The following NCAM2 variants were observed in gnomAD, a reference collection of about 807,000 sequenced individuals.
The protein encoded by NCAM2 is N-CAM-2.
In NCAM2, 30 loss-of-function variants were observed where a neutral mutation model predicts 98.1. The ratio of observed to expected loss-of-function variants is 0.31; its 90% CI spans 0.23 to 0.41. The LOEUF is 0.41. NCAM2 is among the 10% of genes least tolerant of loss of function. NCAM2 has a pLI of 1.00. For synonymous variants in NCAM2, 368 were observed against 342.4 expected, an observed-to-expected ratio of 1.07 and a Z score of -0.83; for missense variants, 867 against 1,005.8, an observed-to-expected ratio of 0.86 and a Z score of 1.87.
intron 1 of NCAM2, among the ~76,000 whole-genome samples, chr21:21,264,955 G>GTATATTATA (rs1568854747): frequency 2.5e-5 from 2 of 80,820 alleles, no homozygotes; most frequent in East Asian, 5.6e-4. Flanking sequence ...ATATATATGT[G>GTATATTATA]TATGTGTATA....
At chr21:21,390,025 T>A (rs1259806006) in intron 9 of NCAM2, among the ~76,000 whole-genome samples, 1 of 152,152 alleles carries the variant, frequency 6.6e-6, no homozygotes, top group African/African-American at 2.4e-5. Flanking sequence ...AATTTTTGTA[T>A]TTTTAGTAGC....
At chr21:21,032,030 A>G (rs966104775) in intron 1 of NCAM2, among the ~76,000 whole-genome samples, 3 of 152,320 alleles carry the variant, frequency 2.0e-5, no homozygotes, top group South Asian at 2.1e-4. Flanking sequence ...TTGATTAGAT[A>G]TATTTTAATC....
At chr21:21,507,788 C>CAA (rs35904478) in intron 15 of NCAM2, among the ~76,000 whole-genome samples, 16 of 98,068 alleles carry the variant, frequency 1.6e-4, no homozygotes, top group African/African-American at 4.3e-4. Context: ...GACTCCATCT[C>CAA]AAAAAAAAAA....
intron 15 of NCAM2, among the ~76,000 whole-genome samples, chr21:21,507,023 T>C (rs1988021765): frequency 6.6e-6 from 1 of 151,850 alleles, no homozygotes; most frequent in Non-Finnish European, 1.5e-5. Flanking sequence ...CCAGGCAAAA[T>C]CACAAATTGA....
chr21:21,406,390 T>G (rs2076739071), intron 9 of NCAM2, among the ~76,000 whole-genome samples: 1 of 152,190 alleles, frequency 6.6e-6, no homozygotes, highest in African/African-American at 2.4e-5. Flanking sequence ...AAGAACTTGG[T>G]CAGATAGCAA....
intron 15 of NCAM2, among the ~76,000 whole-genome samples, chr21:21,493,362 A>G (rs534669414): frequency 3.3e-5 from 5 of 151,998 alleles, no homozygotes; most frequent in African/African-American, 1.2e-4. Flanking sequence ...AGATATCACC[A>G]TTGCATGTTT....
At chr21:21,485,269 A>C (rs1014199796) in intron 15 of NCAM2, among the ~76,000 whole-genome samples, 5 of 152,154 alleles carry the variant, frequency 3.3e-5, no homozygotes, top group Non-Finnish European at 5.9e-5. Flanking sequence ...TGAATGTTAA[A>C]TTAAATTTGT....
chr21:21,411,081 T>C lies in NCAM2; in HGVS notation c.1383+620T>C, dbSNP rs8126525. Among the ~76,000 whole-genome samples the C allele has an allele frequency of 5.9e-3, 71 of 11,980 alleles. 6 individuals carry two copies. Among genetic ancestry groups the C allele is most frequent in the African/African-American group, 0.014 (59 of 4,114 alleles). The allele number at this position is 11,980 out of a possible 152,430, so 7.9% of individuals were successfully genotyped here. Reference sequence around the variant, plus strand: ...ATATATATATATATACACACACATATATATATGTGTGTATATATATACATA... The same window carrying C: ...ATATATATATATATACACACACATACATATATGTGTGTATATATATACATA... On this transcript the variant is annotated intron_variant, in intron 10 of 17. Coordinates refer to ENST00000400546, the MANE Select transcript of NCAM2 (RefSeq NM_004540.5).
intron 4 of NCAM2, chr21:21,290,210 A>G (rs947005457): frequency 4.6e-5 from 7 of 151,980 alleles, no homozygotes; most frequent in Non-Finnish European, 8.8e-5. Context: ...AAATATAATC[A>G]GTAAAAATCA....
At chr21:21,001,259 T>A (rs141282894) in intron 1 of NCAM2, among the ~76,000 whole-genome samples, 2 of 152,354 alleles carry the variant, frequency 1.3e-5, no homozygotes, top group East Asian at 3.9e-4. Flanking sequence ...TACTTGTAAC[T>A]CTCAATACAA....
Position 20,999,563 on chromosome 21 carries a change from A to G in NCAM2, c.55+945A>G, listed in dbSNP as rs1179253625. Among the ~76,000 whole-genome samples the G allele has an allele frequency of 2.6e-5, 4 of 152,316 alleles. No homozygotes were observed. The East Asian group carries it at 7.7e-4, about 29-fold the overall frequency. On this transcript the variant is annotated intron_variant, in intron 1 of 17. Transcript: ENST00000400546. ...AGGGACACAAAATGCTAAAACATGCATTGGTGAAAGTCTTTAAAGGAAAAA... is the reference window on the plus strand; with the variant it reads ...AGGGACACAAAATGCTAAAACATGCGTTGGTGAAAGTCTTTAAAGGAAAAA...
intron 1 of NCAM2, among the ~76,000 whole-genome samples, chr21:21,247,887 A>G (rs963807104): frequency 1.3e-5 from 2 of 152,050 alleles, no homozygotes; most frequent in Middle Eastern, 3.2e-3. Context: ...TCCTCCTTCT[A>G]TTCCTCGTCC....
chr21:21,044,785 G>A (rs1030201826), intron 1 of NCAM2, among the ~76,000 whole-genome samples: 4 of 137,198 alleles, frequency 2.9e-5, no homozygotes, highest in Non-Finnish European at 6.3e-5. Flanking sequence ...GGGCAACACA[G>A]GGAGATGCTG....
In NCAM2 at chr21:21,400,624, C is replaced by T. The variant is rs146397035; in HGVS notation, c.1196-9650C>T. Among the ~76,000 whole-genome samples, 23 of 144,902 alleles carry T rather than the reference C, an allele frequency of 1.6e-4. 1 individual carries two copies. The East Asian group carries it at 4.6e-3, about 29-fold the overall frequency. ...TTTTTTTTTTTTTTTGAGATGGAGT[C>T]GCCCAGGCTGGAGTGCACTGATGCA... On this transcript the variant is annotated intron_variant, in intron 9 of 17. Coordinates refer to ENST00000400546, the MANE Select transcript of NCAM2 (RefSeq NM_004540.5).
chr21:21,491,299 A>G (rs1301220057), intron 15 of NCAM2, among the ~76,000 whole-genome samples: 1 of 151,830 alleles, frequency 6.6e-6, no homozygotes, highest in Non-Finnish European at 1.5e-5. Flanking sequence ...ACACATGAAC[A>G]TAGTTAACAA....
chr21:21,372,872 G>T (rs1380869278), intron 8 of NCAM2, among the ~76,000 whole-genome samples: 1 of 151,762 alleles, frequency 6.6e-6, no homozygotes, highest in African/African-American at 2.4e-5. Flanking sequence ...GCCATGTCAT[G>T]TATAACAGGT....
At chr21:21,280,510 A>C in intron 1 of NCAM2, 68 bp from the exon 2 acceptor site, 5 of 1,067,630 alleles carry the variant, frequency 4.7e-6, no homozygotes, top group Non-Finnish European at 7.0e-6. Flanking sequence ...TGGTTTAGAC[A>C]TCATGCATTA....
At chr21:21,524,488 C>A (rs1989210196) in intron 16 of NCAM2, among the ~76,000 whole-genome samples, 1 of 143,526 alleles carries the variant, frequency 7.0e-6, no homozygotes, top group African/African-American at 2.6e-5. Context: ...TGAGATCGGG[C>A]AATTGCACTC....
chr21:21,336,342 T>C (rs1007869100), intron 7 of NCAM2, among the ~76,000 whole-genome samples: 2 of 150,120 alleles, frequency 1.3e-5, no homozygotes, highest in Non-Finnish European at 2.9e-5. Flanking sequence ...GTTATTGAAA[T>C]GCTTTCACAA....
Sources: allele counts gnomAD v4.1 joint callset (sites outside exome capture counted in the v4.1 genomes callset), GRCh38; gene constraint gnomAD v4.1.1; transcripts MANE v1.5; gene names NCBI Gene and HGNC (gene_info 2026-07-23, HGNC 2026-07-21).